Variants in RAI2 observed in about 807,000 individuals in gnomAD.
RAI2 encodes the protein retinoic acid-induced protein 2.
RAI2 carries 5 observed loss-of-function variants against 15.3 expected under a neutral mutation model. The observed-to-expected ratio is 0.33, with a 90% confidence interval of 0.17 to 0.69. The LOEUF (loss-of-function observed/expected upper bound fraction) is 0.69, where lower values mean the gene tolerates loss of function less well. Among genes scored for constraint, RAI2 ranks in the 30% least tolerant of loss-of-function variants. The probability of loss-of-function intolerance (pLI) is 0.69; values close to 1 mark genes in which losing one functional copy is unlikely to be tolerated. For missense variants in RAI2, 424 were observed against 424.7 expected (o/e 1.00, Z 0.01); for synonymous variants, 191 against 184.0 (o/e 1.04, Z -0.31).
chrX:17,834,297 A>G (rs772327646), intron 1 of RAI2, among the ~76,000 whole-genome samples: 5 of 111,472 alleles, frequency 4.5e-5, no homozygotes, highest in Non-Finnish European at 9.4e-5. Flanking sequence ...ATACTAGAAC[A>G]CCCACTGGCA....
intron 1 of RAI2, among the ~76,000 whole-genome samples, chrX:17,825,203 G>A (rs1265417826): frequency 1.8e-5 from 2 of 112,851 alleles, no homozygotes; most frequent in Non-Finnish European, 3.7e-5. Flanking sequence ...AAATGGCCCG[G>A]TTCCAAAATG....
Position 17,840,281 on chromosome X carries a change from G to A in RAI2, c.-25+20817C>T, listed in dbSNP as rs6633032. Among the ~76,000 whole-genome samples the A allele has an allele frequency of 1.6e-3, 180 of 110,964 alleles. 2 individuals carry two copies. In the East Asian group the frequency reaches 0.041, roughly 26 times the overall value. ...CTATGGGGTCTGGGCATGTGACTTC[G>A]CCTTGTTGAACCTTCCTTTTATCCA... On this transcript the variant is annotated intron_variant, in intron 1 of 1. Transcript: ENST00000451717.
At chrX:17,831,087 G>A (rs2067278007) in intron 1 of RAI2, among the ~76,000 whole-genome samples, 1 of 111,596 alleles carries the variant, frequency 9.0e-6, no homozygotes, top group Non-Finnish European at 1.9e-5. Flanking sequence ...GGCTGAGGAA[G>A]GCAAGAAAGG....
chrX:17,844,755 G>A (rs1233582651), intron 1 of RAI2, among the ~76,000 whole-genome samples: 1 of 112,524 alleles, frequency 8.9e-6, no homozygotes, highest in Non-Finnish European at 1.9e-5. Context: ...TATTGTTGGT[G>A]AGGATAATGA....
intron 1 of RAI2, among the ~76,000 whole-genome samples, chrX:17,834,829 G>A (rs1035883979): frequency 2.7e-5 from 3 of 110,648 alleles, no homozygotes; most frequent in African/African-American, 6.6e-5. Flanking sequence ...GAAAGAGGTC[G>A]CGTATGTAAT....
intron 1 of RAI2, among the ~76,000 whole-genome samples, chrX:17,826,617 C>T (rs1569349810): frequency 9.0e-6 from 1 of 111,279 alleles, no homozygotes; most frequent in Non-Finnish European, 1.9e-5. Flanking sequence ...GAGGTGCTAC[C>T]AAATATTGAA....
At chrX:17,830,245 G>A (rs1046340981) in intron 1 of RAI2, among the ~76,000 whole-genome samples, 2 of 112,427 alleles carry the variant, frequency 1.8e-5, no homozygotes, top group African/African-American at 3.2e-5. Context: ...GTCCTCAACA[G>A]CTAACTGAAT....
intron 1 of RAI2, among the ~76,000 whole-genome samples, chrX:17,828,470 T>G (rs2067249624): frequency 8.9e-6 from 1 of 111,999 alleles, no homozygotes; most frequent in South Asian, 3.8e-4. Flanking sequence ...GCATTTGGTA[T>G]TCCTCAAGCC....
At chrX:17,857,190 C>A (rs746932811) in intron 1 of RAI2, among the ~76,000 whole-genome samples, 59 of 111,914 alleles carry the variant, frequency 5.3e-4, no homozygotes, top group Non-Finnish European at 9.8e-4. Flanking sequence ...CCCACGCAGG[C>A]TTTTGTGTGT....
chrX:17,814,172 G>A (rs1175897137), intron 1 of RAI2, among the ~76,000 whole-genome samples: 1 of 109,209 alleles, frequency 9.2e-6, no homozygotes, highest in African/African-American at 3.3e-5. Context: ...GTGGGCAACT[G>A]AAGCTCAATT....
intron 1 of RAI2, among the ~76,000 whole-genome samples, chrX:17,857,460 T>C (rs1453247849): frequency 8.9e-6 from 1 of 111,925 alleles, no homozygotes. Context: ...AGTTTCTAGT[T>C]AAAAATACCT....
chrX:17,826,680 T>C (rs2067230269), intron 1 of RAI2, among the ~76,000 whole-genome samples: 1 of 111,895 alleles, frequency 8.9e-6, no homozygotes, highest in South Asian at 3.8e-4. Context: ...TCATTTAGAA[T>C]TGTAATCCCC....
intron 1 of RAI2, among the ~76,000 whole-genome samples, chrX:17,843,127 CT>C (rs374869493): frequency 1.1e-3 from 112 of 105,462 alleles, no homozygotes; most frequent in Middle Eastern, 5.0e-3. Context: ...ACAGGTTCAT[CT>C]TTTTTTTTTT....
At position 17,801,894 on chromosome X, in the gene RAI2, G is replaced by A; in HGVS notation, c.117C>T (p.Asn39=). Residue 39 remains asparagine (N), a synonymous_variant, in exon 2 of 2, where the codon AAC becomes AAT. Transcript: ENST00000451717. ...TCTTTACCAGGTCAGTGGAGTTGAT[G>A]TTCCAGGCCTCGGTGGTGATCAGCT... ...MAQLITTEAW[N]INSTDLVKKA... 8.3e-7 allele frequency: 1 copy of A among 1,211,061 alleles called. No homozygotes were observed. The highest frequency in any genetic ancestry group is 2.2e-5 in the Admixed American group (1 of 45,965).
chrX:17,803,023 G>A (rs1363173977), intron 1 of RAI2, among the ~76,000 whole-genome samples: 1 of 111,645 alleles, frequency 9.0e-6, no homozygotes, highest in African/African-American at 3.3e-5. Context: ...AGGGATCTGA[G>A]CAGCCTTGGA....
intron 1 of RAI2, among the ~76,000 whole-genome samples, chrX:17,840,036 T>C (rs1179890292): frequency 4.4e-5 from 5 of 112,833 alleles, no homozygotes; most frequent in Non-Finnish European, 7.5e-5. Context: ...ATGTACCAGT[T>C]TTCTCTGATA....
intron 1 of RAI2, among the ~76,000 whole-genome samples, chrX:17,808,692 C>T (rs1386283987): frequency 9.1e-6 from 1 of 109,630 alleles, no homozygotes; most frequent in Non-Finnish European, 1.9e-5. Context: ...CGTGAGATGG[C>T]TCTCCCTCTT....
Position 17,801,432 on chromosome X carries a change from G to A in RAI2, c.579C>T (p.Pro193=). The change falls in exon 2 of 2, where the codon CCC becomes CCT. Residue 193 remains proline (P), a synonymous_variant. Transcript: ENST00000451717. The part of the protein sequence containing the change: ...PFEAVLQNLF[P]SQGTLGPPPC... ...GTGGGGGCCCGAGAGTGCCCTGGGA[G>A]GGAAACAAATTCTGGAGCACAGCTT... The A allele has an allele frequency of 8.6e-7, 1 of 1,160,683 alleles. No individual in the cohort carries two copies. Among genetic ancestry groups the A allele is most frequent in the East Asian group, 3.0e-5 (1 of 33,398 alleles).
At chrX:17,857,722 G>A (rs987076950) in intron 1 of RAI2, among the ~76,000 whole-genome samples, 1 of 111,215 alleles carries the variant, frequency 9.0e-6, no homozygotes, top group African/African-American at 3.3e-5. Flanking sequence ...ATGATCTACA[G>A]CCCCCTCCCC....
Sources: allele counts gnomAD v4.1 joint callset (sites outside exome capture counted in the v4.1 genomes callset), GRCh38; gene constraint gnomAD v4.1.1; transcripts MANE v1.5; gene names NCBI Gene and HGNC (gene_info 2026-07-23, HGNC 2026-07-21).